The following SPIRE1 variants were observed in gnomAD, a reference collection of about 807,000 sequenced individuals.
SPIRE1 encodes the protein spire type actin nucleation factor 1.
In SPIRE1, 40 loss-of-function variants were observed where a neutral mutation model predicts 94.1. The ratio of observed to expected loss-of-function variants is 0.43; its 90% CI spans 0.33 to 0.55. The LOEUF (loss-of-function observed/expected upper bound fraction) is 0.55. SPIRE1 is among the 20% of genes least tolerant of loss of function. The probability of loss-of-function intolerance (pLI) is 0.06; values close to 1 mark genes in which losing one functional copy is unlikely to be tolerated. For missense variants in SPIRE1, 838 were observed against 975.2 expected (o/e 0.86, Z 1.87); for synonymous variants, 376 against 371.7 (o/e 1.01, Z -0.13).
intron 4 of SPIRE1, among the ~76,000 whole-genome samples, chr18:12,522,843 T>C (rs1207424602): frequency 2.6e-5 from 4 of 152,232 alleles, no homozygotes; most frequent in Non-Finnish European, 5.9e-5. Context: ...TCATTGACAA[T>C]GCATTTGGTC....
At chr18:12,660,519 A>G (rs1005436591), upstream of SPIRE1, among the ~76,000 whole-genome samples, 3 of 152,088 alleles carry the variant, frequency 2.0e-5, no homozygotes, top group Non-Finnish European at 2.9e-5. Flanking sequence ...ACAGGGTTTT[A>G]CCATGTTGGC....
chr18:12,462,094 T>C (rs12608270), intron 12 of SPIRE1, among the ~76,000 whole-genome samples: 61,369 of 152,056 alleles, frequency 0.4, 12,913 homozygotes, highest in East Asian at 0.65. Context: ...TTTAATCGAA[T>C]AGCTGTGTTT....
chr18:12,505,956 T>A (rs2143977148), intron 6 of SPIRE1, among the ~76,000 whole-genome samples: 1 of 152,344 alleles, frequency 6.6e-6, no homozygotes, highest in Non-Finnish European at 1.5e-5. Context: ...AGGTTATTGA[T>A]CAACATGTTA....
chr18:12,635,686 T>C (rs1027289449), intron 1 of SPIRE1, among the ~76,000 whole-genome samples: 5 of 152,190 alleles, frequency 3.3e-5, no homozygotes, highest in Non-Finnish European at 7.4e-5. Context: ...CCAACATTAG[T>C]ATTTTTCTCC....
chr18:12,600,102 C>CAAAAAAA (rs58628339), intron 2 of SPIRE1, among the ~76,000 whole-genome samples: 5 of 118,414 alleles, frequency 4.2e-5, no homozygotes, highest in Non-Finnish European at 3.4e-5. Flanking sequence ...CAATGGCCAG[C>CAAAAAAA]AAAAAAAAAA....
At chr18:12,507,748 A>G (rs1168741585) in intron 5 of SPIRE1, among the ~76,000 whole-genome samples, 1 of 152,158 alleles carries the variant, frequency 6.6e-6, no homozygotes, top group African/African-American at 2.4e-5. Flanking sequence ...TTATATTTGT[A>G]TTATACTTTA....
intron 8 of SPIRE1, among the ~76,000 whole-genome samples, chr18:12,487,163 T>C (rs1235470464): frequency 6.6e-6 from 1 of 152,214 alleles, no homozygotes; most frequent in Non-Finnish European, 1.5e-5. Flanking sequence ...AATTCATAAG[T>C]TTTAAATTGC....
intron 6 of SPIRE1, among the ~76,000 whole-genome samples, chr18:12,502,884 G>A (rs1447521329): frequency 6.6e-6 from 1 of 152,224 alleles, no homozygotes; most frequent in Non-Finnish European, 1.5e-5. Context: ...GAGATGGGTG[G>A]ATCACCTGAG....
intron 16 of SPIRE1, 56 bp downstream of exon 16, chr18:12,452,199 A>G: frequency 1.2e-6 from 2 of 1,608,006 alleles, no homozygotes; most frequent in East Asian, 2.2e-5. Flanking sequence ...ACAGTCCTCA[A>G]GAGTAGAACT....
At chr18:12,631,051 T>G (rs921820392) in intron 2 of SPIRE1, among the ~76,000 whole-genome samples, 4 of 152,136 alleles carry the variant, frequency 2.6e-5, no homozygotes, top group African/African-American at 9.7e-5. Flanking sequence ...CAAGGATGCC[T>G]GGGCTTCCTG....
chr18:12,536,910 A>G (rs556989078), intron 3 of SPIRE1, among the ~76,000 whole-genome samples: 3 of 152,346 alleles, frequency 2.0e-5, no homozygotes, highest in East Asian at 3.9e-4. Context: ...TAAACTTGAC[A>G]CTAATACAAT....
intron 1 of SPIRE1, among the ~76,000 whole-genome samples, chr18:12,639,299 G>T (rs577905336): frequency 9.9e-5 from 15 of 152,108 alleles, no homozygotes; most frequent in Non-Finnish European, 1.9e-4. Context: ...CACAGGATTT[G>T]TAAGTTTTAG....
chr18:12,627,542 T>C (rs1397463978), intron 2 of SPIRE1, among the ~76,000 whole-genome samples: 1 of 152,184 alleles, frequency 6.6e-6, no homozygotes, highest in East Asian at 1.9e-4. Context: ...GTCTTTATAG[T>C]AGCATGATTT....
chr18:12,657,922 T>A lies in SPIRE1; in HGVS notation c.-56A>T. On this transcript the variant is annotated 5_prime_UTR_variant, in exon 1 of 17. Coordinates refer to ENST00000409402, the MANE Select transcript of SPIRE1 (RefSeq NM_001128626.2). Reference sequence around the variant, plus strand: ...CGCCGTGTGCCGGCGTCTCCTCAGCTCCGGAGCATCGTCGTCGCGCGCCGC... The same window carrying A: ...CGCCGTGTGCCGGCGTCTCCTCAGCACCGGAGCATCGTCGTCGCGCGCCGC... 9.8e-7 allele frequency: 1 copy of A among 1,019,790 alleles called. No homozygotes were observed. Among genetic ancestry groups the A allele is most frequent in the Non-Finnish European group, 1.2e-6 (1 of 854,976 alleles). The allele number at this position is 1,019,790 out of a possible 1,614,324, so 63.2% of individuals were successfully genotyped here.
intron 4 of SPIRE1, among the ~76,000 whole-genome samples, chr18:12,513,600 T>C (rs2034107023): frequency 6.6e-6 from 1 of 152,022 alleles, no homozygotes; most frequent in African/African-American, 2.4e-5. Flanking sequence ...CTCAGCTCAC[T>C]ATAACCTCTA....
chr18:12,574,396 T>C (rs545596579), intron 2 of SPIRE1, among the ~76,000 whole-genome samples: 1 of 152,066 alleles, frequency 6.6e-6, no homozygotes, highest in Non-Finnish European at 1.5e-5. Context: ...TAGTAATAGG[T>C]AGATAGAGAA....
chr18:12,544,503 C>T (rs1275932936), intron 3 of SPIRE1, among the ~76,000 whole-genome samples: 4 of 150,152 alleles, frequency 2.7e-5, no homozygotes, highest in African/African-American at 9.8e-5. Flanking sequence ...CGCGCCCAGT[C>T]GTTTTTTTTT....
At chr18:12,457,950 T>C (rs1321133475) in intron 12 of SPIRE1, among the ~76,000 whole-genome samples, 1 of 151,414 alleles carries the variant, frequency 6.6e-6, no homozygotes, top group Non-Finnish European at 1.5e-5. Context: ...GTTCACGCCA[T>C]TCTCCTGCCT....
chr18:12,623,157 A>G (rs1009542881), intron 2 of SPIRE1, among the ~76,000 whole-genome samples: 6 of 107,486 alleles, frequency 5.6e-5, no homozygotes, highest in Admixed American at 2.6e-4. Flanking sequence ...CAACAAATAT[A>G]CATTTTTTTT....
Sources: allele counts gnomAD v4.1 joint callset (sites outside exome capture counted in the v4.1 genomes callset), GRCh38; gene constraint gnomAD v4.1.1; transcripts MANE v1.5; gene names NCBI Gene and HGNC (gene_info 2026-07-23, HGNC 2026-07-21).